The following CNBD1 variants were observed in gnomAD, a reference collection of about 807,000 sequenced individuals.
CNBD1 encodes the protein cyclic nucleotide-binding domain-containing protein 1.
CNBD1 carries 71 observed loss-of-function variants against 54.4 expected under a neutral mutation model. The observed-to-expected ratio is 1.30, with a 90% CI of 1.08 to 1.59. CNBD1 has a LOEUF of 1.59. Ranked by LOEUF, CNBD1 falls within the 40% of genes most tolerant of loss-of-function variation. The pLI is 0.00. For synonymous variants in CNBD1, 182 were observed against 170.7 expected (o/e 1.07, Z -0.51); for missense variants, 659 against 518.0 (o/e 1.27, Z -2.64).
intron 4 of CNBD1, among the ~76,000 whole-genome samples, chr8:86,998,347 G>C (rs764571222): frequency 6.6e-6 from 1 of 151,934 alleles, no homozygotes; most frequent in Non-Finnish European, 1.5e-5. Context: ...TTGTGCTGAG[G>C]AACACTAGGT....
At chr8:87,362,245 C>A (rs138690692) in intron 10 of CNBD1, among the ~76,000 whole-genome samples, 1 of 152,056 alleles carries the variant, frequency 6.6e-6, no homozygotes, top group Non-Finnish European at 1.5e-5. Flanking sequence ...ATATTAGAAA[C>A]AAGGGCACAG....
At chr8:86,879,800 A>G (rs979169664) in intron 1 of CNBD1, among the ~76,000 whole-genome samples, 5 of 152,022 alleles carry the variant, frequency 3.3e-5, no homozygotes, top group Non-Finnish European at 7.4e-5. Flanking sequence ...TTAACCCAGG[A>G]GGCGGAGGTT....
At chr8:87,079,663 A>G (rs1810946460) in intron 4 of CNBD1, among the ~76,000 whole-genome samples, 1 of 152,078 alleles carries the variant, frequency 6.6e-6, no homozygotes, top group Non-Finnish European at 1.5e-5. Context: ...ACTTTGGCCC[A>G]CTTTTTATAT....
intron 8 of CNBD1, among the ~76,000 whole-genome samples, chr8:87,328,093 A>T (rs540011050): frequency 7.3e-4 from 111 of 151,914 alleles, no homozygotes; most frequent in African/African-American, 2.5e-3. Context: ...AGGTTTTAAG[A>T]CCCACATGCA....
intron 4 of CNBD1, among the ~76,000 whole-genome samples, chr8:87,120,313 T>A (rs1431488510): frequency 6.6e-6 from 1 of 152,090 alleles, no homozygotes; most frequent in Non-Finnish European, 1.5e-5. Flanking sequence ...GCTGTGTGTT[T>A]CAAGGAATCT....
At chr8:86,994,622 T>A (rs1382547276) in intron 4 of CNBD1, among the ~76,000 whole-genome samples, 1 of 152,196 alleles carries the variant, frequency 6.6e-6, no homozygotes, top group Non-Finnish European at 1.5e-5. Flanking sequence ...GGGTTCTTTC[T>A]CTGTCCCTTG....
At chr8:86,887,848 T>C (rs7002729) in intron 2 of CNBD1, among the ~76,000 whole-genome samples, 143,793 of 152,114 alleles carry the variant, frequency 0.95, 68,067 homozygotes, top group East Asian at 1. Flanking sequence ...CCTAGCTGGC[T>C]CTTTGTAGTA....
chr8:87,327,706 A>C lies in CNBD1; in HGVS notation c.1043-23979A>C, dbSNP rs557446274. Among the ~76,000 whole-genome samples, 5 of 152,140 alleles carry C rather than the reference A, an allele frequency of 3.3e-5. No homozygotes were observed. The South Asian group carries it at 1.0e-3, about 32-fold the overall frequency. On this transcript the variant is annotated intron_variant, in intron 8 of 10. Transcript: ENST00000518476. ...CACTGACCTGCGCCCACTGTCTGGCACTTCCTAGTGAGATGAACCCGGTAC... is the reference window on the plus strand; with the variant it reads ...CACTGACCTGCGCCCACTGTCTGGCCCTTCCTAGTGAGATGAACCCGGTAC...
At chr8:87,382,076 T>TA (rs1811088383) in intron 10 of CNBD1, among the ~76,000 whole-genome samples, 1 of 151,948 alleles carries the variant, frequency 6.6e-6, no homozygotes, top group South Asian at 2.1e-4. Flanking sequence ...CAGTCTATAT[T>TA]AAAAAACTAT....
chr8:87,095,737 A>G (rs970843453), intron 4 of CNBD1, among the ~76,000 whole-genome samples: 5 of 152,148 alleles, frequency 3.3e-5, no homozygotes, highest in African/African-American at 4.8e-5. Context: ...GGCTCACTGA[A>G]AGCTCTGCCT....
In CNBD1 at chr8:86,914,413, C is replaced by T. The variant is rs141093387; in HGVS notation, c.272+9219C>T. Among the ~76,000 whole-genome samples, 190 of 152,230 alleles carry T rather than the reference C, an allele frequency of 1.2e-3. 1 individual carries two copies. Among genetic ancestry groups the T allele is most frequent in the African/African-American group, 4.4e-3 (183 of 41,538 alleles). On this transcript the variant is annotated intron_variant, in intron 3 of 10. Coordinates refer to ENST00000518476, the MANE Select transcript of CNBD1 (RefSeq NM_173538.3). ...ACAGTAACATGCTGTACAGGTTTGT[C>T]GCCTAGAAGCCATAGGCTATACCAT...
At chr8:87,131,778 T>C (rs534848644) in intron 4 of CNBD1, among the ~76,000 whole-genome samples, 3 of 152,080 alleles carry the variant, frequency 2.0e-5, no homozygotes, top group African/African-American at 4.8e-5. Context: ...TGAAAAAAAA[T>C]AATTGTGTTT....
chr8:87,272,882 C>A (rs968558320), intron 6 of CNBD1, among the ~76,000 whole-genome samples: 2 of 151,904 alleles, frequency 1.3e-5, no homozygotes, highest in Non-Finnish European at 2.9e-5. Context: ...TTAATTAACA[C>A]TAAATTTCAC....
At chr8:87,177,978 C>T (rs1586309847) in intron 4 of CNBD1, among the ~76,000 whole-genome samples, 1 of 152,126 alleles carries the variant, frequency 6.6e-6, no homozygotes, top group Non-Finnish European at 1.5e-5. Flanking sequence ...TATGAACAGA[C>T]ATCAAAGTAC....
chr8:87,370,324 A>G (rs1370887503), intron 10 of CNBD1, among the ~76,000 whole-genome samples: 3 of 152,124 alleles, frequency 2.0e-5, no homozygotes, highest in Non-Finnish European at 4.4e-5. Flanking sequence ...TAATGGTTGA[A>G]TTAGTTTACA....
intron 4 of CNBD1, among the ~76,000 whole-genome samples, chr8:87,180,103 G>T (rs1251387794): frequency 6.6e-6 from 1 of 152,066 alleles, no homozygotes; most frequent in African/African-American, 2.4e-5. Context: ...TGAATTGCTT[G>T]TCTGCAAATA....
At chr8:87,014,091 A>G (rs1464006985) in intron 4 of CNBD1, among the ~76,000 whole-genome samples, 2 of 152,070 alleles carry the variant, frequency 1.3e-5, no homozygotes, top group Non-Finnish European at 2.9e-5. Flanking sequence ...CTAAAAATAT[A>G]TGAAGAGCTC....
At chr8:86,908,151 A>G (rs938921883) in intron 3 of CNBD1, among the ~76,000 whole-genome samples, 4 of 152,224 alleles carry the variant, frequency 2.6e-5, no homozygotes, top group Admixed American at 6.5e-5. Context: ...GTCCATGTGG[A>G]GCAAGGCACA....
intron 6 of CNBD1, among the ~76,000 whole-genome samples, chr8:87,272,469 A>C (rs1321311604): frequency 6.6e-6 from 1 of 151,994 alleles, no homozygotes; most frequent in Non-Finnish European, 1.5e-5. Flanking sequence ...CTTCTTTATA[A>C]GACTATATTA....
Sources: gnomAD v4.1 joint callset for allele counts (sites outside exome capture counted in the v4.1 genomes callset) on GRCh38, gnomAD v4.1.1 for gene constraint, MANE v1.5 for transcripts, NCBI Gene and HGNC (gene_info 2026-07-23, HGNC 2026-07-21) for gene names.